Variants in PDZD2 observed in about 807,000 individuals in gnomAD.
The protein encoded by PDZD2 is PDZ domain-containing protein 2.
A neutral mutation model predicts 220.7 loss-of-function variants in PDZD2; 90 were observed. The observed-to-expected ratio is 0.41, with a 90% CI of 0.34 to 0.49. The LOEUF (loss-of-function observed/expected upper bound fraction) is 0.49, where lower values mean the gene tolerates loss of function less well. PDZD2 is among the 20% of genes least tolerant of loss of function. The probability of loss-of-function intolerance (pLI) is 0.28; values close to 1 mark genes in which losing one functional copy is unlikely to be tolerated. For synonymous variants in PDZD2, 1,375 were observed against 1,450.5 expected (o/e 0.95, Z 1.18); for missense variants, 3,174 against 3,608.5 (o/e 0.88, Z 3.08).
chr5:32,052,538 T>G, intron 8 of PDZD2, 73 bp from the exon 9 acceptor site: 2 of 1,359,918 alleles, frequency 1.5e-6, no homozygotes. Context: ...AAAGTCTGAG[T>G]GTATTTTTCT....
chr5:31,855,121 C>T, intron 2 of PDZD2: 1 of 985,240 alleles, frequency 1.0e-6, no homozygotes, highest in Non-Finnish European at 1.2e-6. Flanking sequence ...GCGGAGACTC[C>T]CAGGAGCTCC....
chr5:31,879,570 T>C (rs1424041714), intron 2 of PDZD2, among the ~76,000 whole-genome samples: 1 of 152,150 alleles, frequency 6.6e-6, no homozygotes, highest in Non-Finnish European at 1.5e-5. Flanking sequence ...TTCTTATGAA[T>C]GGTCAAATCG....
chr5:31,900,716 G>A (rs1474544731), intron 2 of PDZD2, among the ~76,000 whole-genome samples: 3 of 152,094 alleles, frequency 2.0e-5, no homozygotes. Flanking sequence ...AAAAATATGC[G>A]AGCCTCCAGA....
At chr5:31,854,358 G>A (rs1027774257) in intron 2 of PDZD2, among the ~76,000 whole-genome samples, 1 of 152,166 alleles carries the variant, frequency 6.6e-6, no homozygotes, top group Non-Finnish European at 1.5e-5. Flanking sequence ...GTAGGGGAGC[G>A]GGAGAAGGTA....
chr5:31,873,528 A>G (rs1019171943), intron 2 of PDZD2, among the ~76,000 whole-genome samples: 4 of 143,304 alleles, frequency 2.8e-5, no homozygotes, highest in Non-Finnish European at 6.2e-5. Context: ...AAGATTGAAA[A>G]TTCTTTTTAT....
intron 1 of PDZD2, among the ~76,000 whole-genome samples, chr5:31,733,456 G>A (rs556054483): frequency 6.6e-6 from 1 of 152,204 alleles, no homozygotes; most frequent in South Asian, 2.1e-4. Context: ...CACGTGCTGC[G>A]TGTGGTCTGA....
intron 2 of PDZD2, among the ~76,000 whole-genome samples, chr5:31,946,626 A>T (rs1746658450): frequency 6.6e-6 from 1 of 152,192 alleles, no homozygotes; most frequent in Admixed American, 6.5e-5. Flanking sequence ...TTACCGAACA[A>T]CTGTCATTTT....
chr5:31,933,884 C>T (rs1317058233), intron 2 of PDZD2, among the ~76,000 whole-genome samples: 1 of 152,180 alleles, frequency 6.6e-6, no homozygotes, highest in East Asian at 1.9e-4. Context: ...CCCCAGATGC[C>T]TGTCATGGAT....
At chr5:31,908,832 C>G (rs770233899) in intron 2 of PDZD2, 44 of 572,372 alleles carry the variant, frequency 7.7e-5, no homozygotes, top group Non-Finnish European at 1.3e-4. Flanking sequence ...ATCACTTGAG[C>G]TCAGGAGTTT....
chr5:31,640,190 C>T (rs1744895756), intron 1 of PDZD2, among the ~76,000 whole-genome samples: 1 of 152,134 alleles, frequency 6.6e-6, no homozygotes. Flanking sequence ...AATTCAGCAG[C>T]AGGAGGGTCC....
At chr5:31,950,190 TGTTCA>T (rs1239929566) in intron 2 of PDZD2, among the ~76,000 whole-genome samples, 2 of 152,188 alleles carry the variant, frequency 1.3e-5, no homozygotes, top group African/African-American at 4.8e-5. Context: ...TATGTAGACT[TGTTCA>T]GAATATCCTG....
Position 32,110,928 on chromosome 5 carries a change from C to A in PDZD2, c.*2793C>A, listed in dbSNP as rs917039257. ...AAAAAAATAAACACTCTGCTTACTA[C>A]TTGATTTTTTTTTTCTCTTTTGGCT... On this transcript the variant is annotated 3_prime_UTR_variant, in exon 25 of 25. Transcript: ENST00000438447. The A allele has an allele frequency of 1.3e-5, 2 of 151,810 alleles. No individual in the cohort carries two copies. The highest frequency in any genetic ancestry group is 4.8e-5 in the African/African-American group (2 of 41,252). 9.4% of individuals were successfully genotyped at this position (151,810 alleles called of 1,614,324 possible).
At chr5:31,747,602 G>A (rs2150173228) in intron 1 of PDZD2, 1 of 152,460 alleles carries the variant, frequency 6.6e-6, no homozygotes, top group African/African-American at 2.4e-5. Context: ...ATGTTTGTGT[G>A]AAGGAGTTCA....
chr5:31,794,393 C>CTTTTTT (rs34331530), intron 1 of PDZD2, among the ~76,000 whole-genome samples: 12 of 105,246 alleles, frequency 1.1e-4, no homozygotes, highest in Non-Finnish European at 1.7e-4. Context: ...TTCTTTCTTT[C>CTTTTTT]TTTTTTTTTT....
At chr5:31,643,231 G>A (rs1745014419) in intron 1 of PDZD2, among the ~76,000 whole-genome samples, 1 of 152,188 alleles carries the variant, frequency 6.6e-6, no homozygotes. Context: ...GGAGAAGGCA[G>A]GAGTTTTTAG....
chr5:32,051,271 C>G (rs1223730916), intron 8 of PDZD2, among the ~76,000 whole-genome samples: 1 of 152,014 alleles, frequency 6.6e-6, no homozygotes, highest in Admixed American at 6.6e-5. Flanking sequence ...ATTAAAAGGG[C>G]AGTAACCTTG....
At chr5:32,026,671 G>A (rs1307802569) in intron 6 of PDZD2, among the ~76,000 whole-genome samples, 2 of 152,186 alleles carry the variant, frequency 1.3e-5, no homozygotes, top group East Asian at 1.9e-4. Flanking sequence ...GCTGAGAAAT[G>A]ACCCAAGGGT....
intron 1 of PDZD2, among the ~76,000 whole-genome samples, chr5:31,740,916 C>T (rs1489120477): frequency 6.6e-6 from 1 of 152,170 alleles, no homozygotes; most frequent in Non-Finnish European, 1.5e-5. Context: ...TCCACTCAAG[C>T]TTTACCATGA....
intron 2 of PDZD2, among the ~76,000 whole-genome samples, chr5:31,839,856 T>G (rs1296125227): frequency 6.6e-6 from 1 of 152,170 alleles, no homozygotes; most frequent in African/African-American, 2.4e-5. Context: ...ACAAGGGGCT[T>G]TTCCCTCTTT....
Sources: gnomAD v4.1 joint callset for allele counts (sites outside exome capture counted in the v4.1 genomes callset) on GRCh38, gnomAD v4.1.1 for gene constraint, MANE v1.5 for transcripts, NCBI Gene and HGNC (gene_info 2026-07-23, HGNC 2026-07-21) for gene names.